The following DOCK3 variants were observed in gnomAD, a reference collection of about 807,000 sequenced individuals.
DOCK3 encodes the protein dedicator of cytokinesis 3.
In DOCK3, 60 loss-of-function variants were observed where a neutral mutation model predicts 265.6. That is an observed-to-expected ratio of 0.23 (90% confidence interval 0.18 to 0.28). The LOEUF (loss-of-function observed/expected upper bound fraction) is 0.28. Ranked by LOEUF, DOCK3 falls within the 10% of genes least tolerant of loss-of-function variation. The pLI, the probability that DOCK3 is intolerant of heterozygous loss-of-function variation, is 1.00. For synonymous variants in DOCK3, 881 were observed against 938.0 expected (o/e 0.94, Z 1.11); for missense variants, 1,981 against 2,594.3 (o/e 0.76, Z 5.14).
intron 9 of DOCK3, among the ~76,000 whole-genome samples, chr3:51,136,211 A>G (rs190075997): frequency 1.1e-4 from 16 of 150,352 alleles, no homozygotes; most frequent in African/African-American, 3.7e-4. Flanking sequence ...TCAATCCAGT[A>G]GTTTGTCGGT....
intron 5 of DOCK3, among the ~76,000 whole-genome samples, chr3:51,052,565 A>G (rs1373351519): frequency 1.3e-5 from 2 of 152,178 alleles, no homozygotes; most frequent in African/African-American, 4.8e-5. Context: ...TAATGCCTTT[A>G]ATAGAGAGTT....
At chr3:50,996,659 A>C (rs2078296188) in intron 5 of DOCK3, among the ~76,000 whole-genome samples, 1 of 152,130 alleles carries the variant, frequency 6.6e-6, no homozygotes, top group Non-Finnish European at 1.5e-5. Flanking sequence ...CTTGGGGGGA[A>C]AACTGTGTAA....
At chr3:51,280,328 G>A (rs1011911792) in intron 27 of DOCK3, 124 bp downstream of exon 27, 2 of 897,140 alleles carry the variant, frequency 2.2e-6, no homozygotes, top group Non-Finnish European at 3.4e-6. Context: ...GGATTCACCA[G>A]CCCTGCTTTA....
At chr3:50,961,408 G>A (rs1031655337) in intron 5 of DOCK3, among the ~76,000 whole-genome samples, 5 of 152,174 alleles carry the variant, frequency 3.3e-5, no homozygotes, top group Admixed American at 6.5e-5. Context: ...GGCTGGTGGT[G>A]CATTGCTAGT....
intron 5 of DOCK3, among the ~76,000 whole-genome samples, chr3:50,971,056 C>G (rs2077220136): frequency 7.0e-6 from 1 of 142,294 alleles, no homozygotes; most frequent in African/African-American, 2.6e-5. Flanking sequence ...TCTTGAACTC[C>G]TGGCCTCAAG....
At chr3:51,274,389 G>T (rs904833475) in intron 24 of DOCK3, among the ~76,000 whole-genome samples, 2 of 152,196 alleles carry the variant, frequency 1.3e-5, no homozygotes, top group African/African-American at 2.4e-5. Context: ...TTTCAAGCCT[G>T]TGAGTTCAGT....
At chr3:51,227,488 A>G (rs1373302785) in intron 16 of DOCK3, 43 bp downstream of exon 16, 1 of 1,609,542 alleles carries the variant, frequency 6.2e-7, no homozygotes, top group Admixed American at 1.7e-5. Context: ...TGAGAATATA[A>G]ATATAACTCT....
At chr3:51,336,870 C>A (rs935863721) in intron 35 of DOCK3, 1 of 456,072 alleles carries the variant, frequency 2.2e-6, no homozygotes, top group Admixed American at 2.4e-5. Flanking sequence ...AAATACAAAT[C>A]ACTAAATGCC....
chr3:51,208,213 C>G (rs1353092259), intron 12 of DOCK3, among the ~76,000 whole-genome samples: 2 of 152,230 alleles, frequency 1.3e-5, no homozygotes, highest in Non-Finnish European at 2.9e-5. Context: ...CCCCTGACCA[C>G]AGAAGACTTC....
At chr3:51,122,544 C>A (rs867250339) in intron 9 of DOCK3, among the ~76,000 whole-genome samples, 1 of 152,116 alleles carries the variant, frequency 6.6e-6, no homozygotes, top group African/African-American at 2.4e-5. Flanking sequence ...TTAAATAGTT[C>A]GTCTTGGATT....
At chr3:51,373,523 A>C (rs72943902) in intron 49 of DOCK3, among the ~76,000 whole-genome samples, 4,408 of 152,326 alleles carry the variant, frequency 0.029, 251 homozygotes, top group African/African-American at 0.1. Flanking sequence ...CAGGAAAGCC[A>C]GCAAGTTACT....
chr3:50,862,135 C>T (rs2046945282), intron 3 of DOCK3, among the ~76,000 whole-genome samples: 1 of 152,130 alleles, frequency 6.6e-6, no homozygotes, highest in Non-Finnish European at 1.5e-5. Context: ...TTTCTTTTAG[C>T]AGTTGCTTGT....
Position 51,085,421 on chromosome 3 carries a change from CACAA to C in DOCK3, c.550-3817_550-3814del, listed in dbSNP as rs2082383960. ...CTCCAGGATACAGCACATATTAGGCCACAAACAAGTCTCAACAAATTTTGAAAAA... is the reference window on the plus strand; with the variant it reads ...CTCCAGGATACAGCACATATTAGGCCACAAGTCTCAACAAATTTTGAAAAA... On this transcript the variant is annotated intron_variant, in intron 7 of 52. Coordinates refer to ENST00000266037, the MANE Select transcript of DOCK3 (RefSeq NM_004947.5). 2.0e-5 allele frequency among the ~76,000 whole-genome samples: 3 copies of C among 152,262 alleles called. No individual in the cohort carries two copies. In the South Asian group the frequency reaches 6.2e-4, roughly 32 times the overall value.
At chr3:50,967,182 C>A (rs1228796399) in intron 5 of DOCK3, among the ~76,000 whole-genome samples, 1 of 152,142 alleles carries the variant, frequency 6.6e-6, no homozygotes. Context: ...TTCCTGCCCA[C>A]ATTTTGTAGC....
intron 1 of DOCK3, among the ~76,000 whole-genome samples, chr3:50,691,954 C>T (rs1462009325): frequency 1.4e-5 from 2 of 142,740 alleles, no homozygotes. Context: ...CTTGCTCTGT[C>T]GCCAGGCTGG....
chr3:50,837,692 A>T (rs1008356890), intron 2 of DOCK3, among the ~76,000 whole-genome samples: 34 of 152,160 alleles, frequency 2.2e-4, no homozygotes, highest in African/African-American at 8.0e-4. Context: ...ATATAGGATG[A>T]TTGGAGATGG....
chr3:50,770,489 A>G (rs1259228460), intron 1 of DOCK3, among the ~76,000 whole-genome samples: 6 of 152,172 alleles, frequency 3.9e-5, no homozygotes, highest in Admixed American at 3.9e-4. Flanking sequence ...GATTGGAACA[A>G]TCAGTATTTT....
At chr3:50,776,200 C>T (rs1399724817) in intron 1 of DOCK3, among the ~76,000 whole-genome samples, 1 of 152,174 alleles carries the variant, frequency 6.6e-6, no homozygotes, top group Non-Finnish European at 1.5e-5. Flanking sequence ...TTTACACTCC[C>T]ACCAGCAGTG....
Position 51,131,889 on chromosome 3 carries a change from A to G in DOCK3, c.747-14660A>G, listed in dbSNP as rs373733093. 3.9e-5 allele frequency among the ~76,000 whole-genome samples: 6 copies of G among 152,340 alleles called. No homozygotes were observed. In the East Asian group the frequency reaches 7.7e-4, roughly 20 times the overall value. On this transcript the variant is annotated intron_variant, in intron 9 of 52. Coordinates refer to ENST00000266037, the MANE Select transcript of DOCK3 (RefSeq NM_004947.5). ...CTGGCATACAGAAAAGAGCAGTTAC[A>G]GGGCTCTTCAAATTATAGGCCATCT...
Sources: allele counts gnomAD v4.1 joint callset (sites outside exome capture counted in the v4.1 genomes callset), GRCh38; gene constraint gnomAD v4.1.1; transcripts MANE v1.5; gene names NCBI Gene and HGNC (gene_info 2026-07-23, HGNC 2026-07-21).